Variants in HDAC9 observed in about 807,000 individuals in gnomAD.
HDAC9 encodes the protein histone deacetylase 9, also known as MEF-2 interacting transcription repressor (MITR) protein.
In HDAC9, 41 loss-of-function variants were observed where a neutral mutation model predicts 139.4. The ratio of observed to expected loss-of-function variants is 0.29; its 90% CI spans 0.23 to 0.38. The LOEUF is 0.38. Among genes scored for constraint, HDAC9 ranks in the 10% least tolerant of loss-of-function variants. HDAC9 has a pLI of 1.00. For missense variants in HDAC9, 1,147 were observed against 1,297.0 expected (o/e 0.88, Z 1.78); for synonymous variants, 517 against 476.2 (o/e 1.09, Z -1.12).
chr7:18,977,919 G>GACAGACAGACACACAC (rs1422767293), intron 25 of HDAC9, among the ~76,000 whole-genome samples: 2 of 140,930 alleles, frequency 1.4e-5, no homozygotes, highest in African/African-American at 5.4e-5. Context: ...CAGACAGACA[G>GACAGACAGACACACAC]ACACACACAC....
At chr7:18,955,258 A>C (rs909277073) in intron 24 of HDAC9, among the ~76,000 whole-genome samples, 8 of 152,140 alleles carry the variant, frequency 5.3e-5, no homozygotes, top group Admixed American at 5.2e-4. Context: ...AGGTGATTTC[A>C]TAAGCTTAAG....
chr7:18,095,460 T>C (rs1782444957), intron 1 of HDAC9, among the ~76,000 whole-genome samples: 2 of 152,202 alleles, frequency 1.3e-5, no homozygotes, highest in Admixed American at 6.5e-5. Flanking sequence ...TTTACATGTG[T>C]ATTTATGGTC....
chr7:18,119,754 T>A lies in HDAC9; in HGVS notation c.-97+32541T>A, dbSNP rs192647208. Among the ~76,000 whole-genome samples the A allele has an allele frequency of 4.6e-3, 707 of 152,342 alleles. 9 individuals carry two copies. The highest frequency in any genetic ancestry group is 0.02 in the Admixed American group (308 of 15,300). On this transcript the variant is annotated intron_variant, in intron 1 of 12. Coordinates refer to the HDAC9 transcript ENST00000417496. ...GTGTGTCAGTTATTTTGGTCACAGC[T>A]CTGCTACAAATTGACATTATGACTG...
At chr7:18,622,089 C>T (rs1457689390) in intron 6 of HDAC9, among the ~76,000 whole-genome samples, 1 of 152,092 alleles carries the variant, frequency 6.6e-6, no homozygotes, top group South Asian at 2.1e-4. Context: ...TTAAATATGG[C>T]AGCTCCTAAG....
At chr7:18,243,377 G>T (rs1377585650) in intron 2 of HDAC9, among the ~76,000 whole-genome samples, 1 of 152,192 alleles carries the variant, frequency 6.6e-6, no homozygotes, top group Non-Finnish European at 1.5e-5. Context: ...CTTAGAGTTA[G>T]AATGATCCAT....
intron 11 of HDAC9, among the ~76,000 whole-genome samples, chr7:18,653,367 A>G (rs1790001049): frequency 6.6e-6 from 1 of 151,800 alleles, no homozygotes; most frequent in Admixed American, 6.6e-5. Context: ...TCTTGTTCTT[A>G]TTATATCTCA....
At chr7:18,124,300 C>T (rs1296494644) in intron 1 of HDAC9, among the ~76,000 whole-genome samples, 2 of 152,094 alleles carry the variant, frequency 1.3e-5, no homozygotes, top group African/African-American at 4.8e-5. Context: ...TAGCCTAGGG[C>T]AAGGGCAAGG....
At chr7:18,509,952 T>C (rs913455519) in intron 2 of HDAC9, among the ~76,000 whole-genome samples, 1 of 152,206 alleles carries the variant, frequency 6.6e-6, no homozygotes, top group African/African-American at 2.4e-5. Context: ...AATTGATCCC[T>C]GAGACTATTT....
intron 1 of HDAC9, among the ~76,000 whole-genome samples, chr7:18,390,297 G>A (rs1376696644): frequency 6.6e-6 from 1 of 152,160 alleles, no homozygotes; most frequent in African/African-American, 2.4e-5. Context: ...GGAATACACT[G>A]AGAGAGCTGG....
chr7:18,365,421 C>G (rs989510332), intron 1 of HDAC9, among the ~76,000 whole-genome samples: 3 of 152,060 alleles, frequency 2.0e-5, no homozygotes, highest in Non-Finnish European at 4.4e-5. Context: ...GTATGCTCTG[C>G]ACATTCACCA....
chr7:18,564,078 G>A (rs571879663), intron 2 of HDAC9, among the ~76,000 whole-genome samples: 7 of 151,906 alleles, frequency 4.6e-5, no homozygotes, highest in East Asian at 1.9e-4. Flanking sequence ...CTCATGATCC[G>A]CCCGCCCCGG....
intron 2 of HDAC9, among the ~76,000 whole-genome samples, chr7:18,558,749 C>A (rs958168219): frequency 6.6e-6 from 1 of 152,170 alleles, no homozygotes; most frequent in African/African-American, 2.4e-5. Flanking sequence ...TAAAAGTCAT[C>A]AAAGCACTTT....
chr7:18,114,890 C>G (rs1000036767), intron 1 of HDAC9, among the ~76,000 whole-genome samples: 1 of 152,190 alleles, frequency 6.6e-6, no homozygotes, highest in African/African-American at 2.4e-5. Context: ...ATGTTAGCCT[C>G]TTCGCAGCTA....
intron 12 of HDAC9, among the ~76,000 whole-genome samples, chr7:18,688,058 G>A (rs574916683): frequency 5.3e-5 from 8 of 151,768 alleles, no homozygotes; most frequent in African/African-American, 1.2e-4. Flanking sequence ...TGAAAATTGA[G>A]CAAAATGACT....
At chr7:18,132,901 A>G (rs1785114879) in intron 1 of HDAC9, among the ~76,000 whole-genome samples, 1 of 151,952 alleles carries the variant, frequency 6.6e-6, no homozygotes, top group Non-Finnish European at 1.5e-5. Flanking sequence ...CTTATTTTTT[A>G]TTTGATTTTA....
intron 2 of HDAC9, among the ~76,000 whole-genome samples, chr7:18,223,572 C>T (rs1469996649): frequency 6.6e-6 from 1 of 152,034 alleles, no homozygotes; most frequent in Non-Finnish European, 1.5e-5. Flanking sequence ...TCAGATATCT[C>T]CCTAGGCCCA....
At chr7:18,506,502 A>G (rs577614347) in intron 2 of HDAC9, among the ~76,000 whole-genome samples, 47 of 152,196 alleles carry the variant, frequency 3.1e-4, no homozygotes, top group African/African-American at 9.9e-4. Flanking sequence ...GAATGATTCT[A>G]TTATTGAAAG....
intron 1 of HDAC9, among the ~76,000 whole-genome samples, chr7:18,402,509 G>A (rs1372061319): frequency 6.6e-6 from 1 of 152,176 alleles, no homozygotes; most frequent in Admixed American, 6.5e-5. Context: ...TGAGTGAGGT[G>A]GGTGGTGAGC....
chr7:18,898,405 A>C (rs1014492272), intron 22 of HDAC9, among the ~76,000 whole-genome samples: 2 of 151,980 alleles, frequency 1.3e-5, no homozygotes, highest in African/African-American at 4.8e-5. Context: ...AAATATTTTA[A>C]AAATTCTAAA....
Sources: gnomAD v4.1 joint callset for allele counts (sites outside exome capture counted in the v4.1 genomes callset) on GRCh38, gnomAD v4.1.1 for gene constraint, MANE v1.5 for transcripts, NCBI Gene and HGNC (gene_info 2026-07-23, HGNC 2026-07-21) for gene names.